The following GANC variants were observed in gnomAD, a reference collection of about 807,000 sequenced individuals.
GANC encodes the protein glucosidase alpha, neutral C.
In GANC, 117 loss-of-function variants were observed where a neutral mutation model predicts 124.2. That is an observed-to-expected ratio of 0.94 (90% CI 0.81 to 1.10). The LOEUF is 1.10. Ranked by LOEUF, GANC falls within the 50% of genes least tolerant of loss-of-function variation. The pLI is 0.00. For synonymous variants in GANC, 377 were observed against 376.8 expected (o/e 1.00, Z -0.01); for missense variants, 1,140 against 1,095.0 (o/e 1.04, Z -0.58).
Position 42,340,671 on chromosome 15 carries a change from AT to A in GANC, c.2088-11del, listed in dbSNP as rs769635501. 50 of 1,567,234 alleles carry A rather than the reference AT, an allele frequency of 3.2e-5. No homozygotes were observed. The highest frequency in any genetic ancestry group is 3.6e-5 in the Non-Finnish European group (42 of 1,157,166). On this transcript the variant is annotated intron_variant, in intron 17 of 23. Coordinates refer to ENST00000318010, the MANE Select transcript of GANC (RefSeq NM_198141.3). ...AGATGTCTATAATGTTAAAACAATA[AT>A]TTTTTTTCTTTCCCCAGGCCTCTGT...
intron 22 of GANC, among the ~76,000 whole-genome samples, chr15:42,350,743 A>G (rs2412707): frequency 0.097 from 14,660 of 150,566 alleles, 858 homozygotes; most frequent in South Asian, 0.19. Flanking sequence ...TTTAGTAGAG[A>G]CGGGGTTTCG....
At position 42,348,039 on chromosome 15, in the gene GANC, TA is replaced by T. The variant is rs929455061; in HGVS notation, c.2305-61del. 38 of 930,512 alleles carry T rather than the reference TA, an allele frequency of 4.1e-5. No homozygotes were observed. In the African/African-American group the frequency reaches 5.8e-4, roughly 14 times the overall value. 57.6% of individuals were successfully genotyped at this position (930,512 alleles called of 1,614,324 possible). ...TGAATTTTATAAAATGAAATATTTT[TA>T]AATTCTACCTTGAAATTTTCTTATA... On this transcript the variant is annotated intron_variant, in intron 20 of 23. Transcript: ENST00000318010.
At chr15:42,282,944 C>T (rs181755419) in intron 3 of GANC, among the ~76,000 whole-genome samples, 10 of 152,322 alleles carry the variant, frequency 6.6e-5, no homozygotes, top group Non-Finnish European at 1.5e-4. Context: ...TGTACACAAG[C>T]TCTCCCGTCT....
Position 42,333,936 on chromosome 15 carries a change from C to G in GANC, c.1741+3264C>G, listed in dbSNP as rs75164671. Among the ~76,000 whole-genome samples, 442 of 152,150 alleles carry G rather than the reference C, an allele frequency of 2.9e-3. 1 individual carries two copies. The highest frequency in any genetic ancestry group is 0.014 in the Middle Eastern group (4 of 294). On this transcript the variant is annotated intron_variant, in intron 15 of 23. Coordinates refer to ENST00000318010, the MANE Select transcript of GANC (RefSeq NM_198141.3). ...GAACAGAGTAGAGAATCCAGAGTATCCAACACATATGTGATCAATTGCTTT... is the reference window on the plus strand; with the variant it reads ...GAACAGAGTAGAGAATCCAGAGTATGCAACACATATGTGATCAATTGCTTT...
intron 7 of GANC, among the ~76,000 whole-genome samples, chr15:42,307,680 A>G (rs550968930): frequency 6.6e-6 from 1 of 152,342 alleles, no homozygotes; most frequent in African/African-American, 2.4e-5. Context: ...CTTTGGTTAA[A>G]GGAAATTTAT....
At chr15:42,316,617 C>A (rs2052105944) in intron 10 of GANC, among the ~76,000 whole-genome samples, 1 of 152,230 alleles carries the variant, frequency 6.6e-6, no homozygotes, top group Admixed American at 6.5e-5. Context: ...TGAAAGTGGA[C>A]AAGGAACGTG....
At chr15:42,317,472 GGT>G (rs2141052811) in intron 10 of GANC, among the ~76,000 whole-genome samples, 1 of 152,142 alleles carries the variant, frequency 6.6e-6, no homozygotes, top group Non-Finnish European at 1.5e-5. Context: ...TAGAAATAGT[GGT>G]AATGCTTGTA....
intron 20 of GANC, among the ~76,000 whole-genome samples, chr15:42,347,660 A>C (rs9920851): frequency 6.6e-6 from 1 of 152,214 alleles, no homozygotes. Flanking sequence ...ACCATCAGTT[A>C]TACATACACA....
rs1566945849 is a variant in GANC at position 42,273,252 on chromosome 15, C to A, written c.-1230C>A. On this transcript the variant is annotated 5_prime_UTR_variant, in exon 1 of 24. Transcript: ENST00000318010. ...TTCAGACGTTAGTGAAGTGAATACTCACCGACGGTATCGGAATGTGCCATT... is the reference window on the plus strand; with the variant it reads ...TTCAGACGTTAGTGAAGTGAATACTAACCGACGGTATCGGAATGTGCCATT... The A allele has an allele frequency of 1.2e-6, 2 of 1,614,102 alleles. No individual in the cohort carries two copies. The highest frequency in any genetic ancestry group is 1.7e-6 in the Non-Finnish European group (2 of 1,180,026).
Position 42,345,795 on chromosome 15 carries a change from G to T in GANC, c.2267G>T (p.Gly756Val), listed in dbSNP as rs1430977356. ...YDYKTFAHWEGGCTVKIPVAL... is the reference protein window; with the variant it reads ...YDYKTFAHWEVGCTVKIPVAL... ...TATAAGACATTTGCTCATTGGGAAG[G>T]AGGGTGTACTGTAAAGATCCCAGTA... Residue 756 changes from glycine to valine, a missense_variant, in exon 20 of 24, where the codon GGA becomes GTA. Physicochemically the swap from Gly to Val is moderately radical, Grantham distance 109. Transcript: ENST00000318010. The T allele has an allele frequency of 1.2e-6, 2 of 1,612,510 alleles. No homozygotes were observed. Among genetic ancestry groups the T allele is most frequent in the South Asian group, 1.1e-5 (1 of 91,014 alleles).
intron 4 of GANC, among the ~76,000 whole-genome samples, chr15:42,290,606 T>TA (rs930261808): frequency 3.9e-5 from 6 of 152,126 alleles, no homozygotes; most frequent in African/African-American, 1.4e-4. Flanking sequence ...TTAAGGGTTG[T>TA]AGACCAGACT....
intron 10 of GANC, among the ~76,000 whole-genome samples, chr15:42,316,405 A>T (rs1038634740): frequency 2.0e-5 from 3 of 152,118 alleles, no homozygotes; most frequent in African/African-American, 7.2e-5. Context: ...AAGGAAGGTG[A>T]GTCGTCCAAG....
chr15:42,322,570 A>G (rs1354909211), intron 11 of GANC, among the ~76,000 whole-genome samples: 2 of 152,184 alleles, frequency 1.3e-5, no homozygotes, highest in African/African-American at 4.8e-5. Context: ...AGGGGGCACT[A>G]GAGCTTTCTT....
At chr15:42,343,299 C>A in intron 19 of GANC, 145 bp downstream of exon 19, 1 of 678,156 alleles carries the variant, frequency 1.5e-6, no homozygotes, top group Non-Finnish European at 2.5e-6. Context: ...GTCATGACCA[C>A]TGTCCTCAGA....
intron 22 of GANC, among the ~76,000 whole-genome samples, chr15:42,350,553 T>TTC (rs58748554): frequency 6.8e-6 from 1 of 146,112 alleles, no homozygotes; most frequent in East Asian, 2.0e-4. Flanking sequence ...AGAGTTGTCT[T>TTC]TTTTTTTTTT....
chr15:42,309,846 G>C (rs1228793906), intron 8 of GANC, among the ~76,000 whole-genome samples: 7 of 151,676 alleles, frequency 4.6e-5, no homozygotes, highest in Admixed American at 4.6e-4. Flanking sequence ...TGGTGAAACC[G>C]CATCTCTACC....
At chr15:42,335,540 C>G (rs910620049) in intron 15 of GANC, among the ~76,000 whole-genome samples, 3 of 152,188 alleles carry the variant, frequency 2.0e-5, no homozygotes, top group Non-Finnish European at 2.9e-5. Context: ...GAAGCATTCC[C>G]CTTGAAAACT....
chr15:42,275,507 A>G (rs2051660774), intron 1 of GANC, among the ~76,000 whole-genome samples: 1 of 152,196 alleles, frequency 6.6e-6, no homozygotes, highest in African/African-American at 2.4e-5. Context: ...GTGTTCAGTC[A>G]TAGCTTTCTA....
At chr15:42,337,133 G>A (rs1423434779) in intron 15 of GANC, among the ~76,000 whole-genome samples, 1 of 152,134 alleles carries the variant, frequency 6.6e-6, no homozygotes. Flanking sequence ...CCATTACTAG[G>A]TATATACCCA....
Sources: allele counts gnomAD v4.1 joint callset (sites outside exome capture counted in the v4.1 genomes callset), GRCh38; gene constraint gnomAD v4.1.1; transcripts MANE v1.5; gene names NCBI Gene and HGNC (gene_info 2026-07-23, HGNC 2026-07-21).